The following HOXD3 variants were observed in gnomAD, a reference collection of about 807,000 sequenced individuals.
HOXD3 encodes homeobox protein Hox-D3.
Under a neutral mutation model 32.8 loss-of-function variants are expected in HOXD3, and 13 were observed. The ratio of observed to expected loss-of-function variants is 0.40; its 90% confidence interval spans 0.26 to 0.63. The LOEUF is 0.63. Among genes scored for constraint, HOXD3 ranks in the 20% least tolerant of loss-of-function variants. The probability of loss-of-function intolerance (pLI) is 0.44; values close to 1 mark genes in which losing one functional copy is unlikely to be tolerated. For missense variants in HOXD3, 504 were observed against 577.1 expected (o/e 0.87, Z 1.30); for synonymous variants, 241 against 246.8 (o/e 0.98, Z 0.22).
intron 2 of HOXD3, among the ~76,000 whole-genome samples, chr2:176,168,292 C>T (rs1404893267): frequency 1.3e-5 from 2 of 148,782 alleles, no homozygotes; most frequent in Non-Finnish European, 1.5e-5. Flanking sequence ...TAAGAGCTGG[C>T]GCAGTGGCTC....
At chr2:176,155,454 A>G (rs955906839), upstream of HOXD3, among the ~76,000 whole-genome samples, 1 of 152,220 alleles carries the variant, frequency 6.6e-6, no homozygotes, top group Non-Finnish European at 1.5e-5. Flanking sequence ...TAACTTAATC[A>G]GAGAAACAAC....
upstream of HOXD3, among the ~76,000 whole-genome samples, chr2:176,155,147 T>G (rs988436513): frequency 6.6e-6 from 1 of 152,232 alleles, no homozygotes; most frequent in African/African-American, 2.4e-5. Context: ...CTTAGGCAAG[T>G]TGGAAAGTTG....
chr2:176,157,564 G>C (rs541526199), intron 1 of HOXD3, among the ~76,000 whole-genome samples, 112 bp downstream of exon 1: 1 of 152,194 alleles, frequency 6.6e-6, no homozygotes, highest in South Asian at 2.1e-4. Context: ...CTGCGCGCCG[G>C]CGAGAAGTTG....
In HOXD3 at chr2:176,172,989, C is replaced by G. The variant is rs1691251117; in HGVS notation, c.*715C>G. On this transcript the variant is annotated 3_prime_UTR_variant, in exon 4 of 4. Transcript: ENST00000683222. The stretch of plus-strand genomic sequence containing the variant: ...AGTCAGGAAGCCCGGTGGCGTGGCA[C>G]AACACACTTTGGTCATTTCTCAAAA... 6.6e-6 allele frequency: 1 copy of G among 152,626 alleles called. No homozygotes were observed. Among genetic ancestry groups the G allele is most frequent in the Admixed American group, 6.5e-5 (1 of 15,278 alleles). 9.5% of individuals were successfully genotyped at this position (152,626 alleles called of 1,614,324 possible).
At chr2:176,153,305 A>G (rs1469836104), upstream of HOXD3, 1 of 282,886 alleles carries the variant, frequency 3.5e-6, no homozygotes, top group African/African-American at 2.2e-5. Flanking sequence ...CCCCCACTCC[A>G]CCCCTCCAGG....
upstream of HOXD3, chr2:176,153,290 A>C: frequency 3.3e-6 from 1 of 303,736 alleles, no homozygotes; most frequent in South Asian, 3.8e-5. Context: ...GAATTTGGAC[A>C]TTCTCCCCCA....
chr2:176,172,428 A>C lies in HOXD3; in HGVS notation c.*154A>C, dbSNP rs1276882559. ...CTCAGGCCTCCAGCGGCGGAGGCGC[A>C]GGCGACCGGGCCTCCCCTCCATGGG... is the stretch of plus-strand genomic sequence containing the variant. On this transcript the variant is annotated 3_prime_UTR_variant, in exon 4 of 4. Transcript: ENST00000683222. 1 of 696,248 alleles carries C rather than the reference A, an allele frequency of 1.4e-6. No homozygotes were observed. Among genetic ancestry groups the C allele is most frequent in the Non-Finnish European group, 2.3e-6 (1 of 430,084 alleles). The allele number at this position is 696,248 out of a possible 1,614,324, so 43.1% of individuals were successfully genotyped here.
At position 176,169,248 on chromosome 2, in the gene HOXD3, C is replaced by A. The variant is rs745970578; in HGVS notation, c.134C>A (p.Thr45Asn). 7.4e-6 allele frequency: 12 copies of A among 1,613,388 alleles called. No homozygotes were observed. The African/African-American group carries it at 8.0e-5, about 11-fold the overall frequency. The change falls in exon 3 of 4, where the codon ACC becomes AAC. Residue 45 changes from threonine to asparagine, a missense_variant. Thr to Asn is a moderately conservative substitution (Grantham distance 65, BLOSUM62 0). Coordinates refer to ENST00000683222, the MANE Select transcript of HOXD3 (RefSeq NM_006898.5). ...ACTACGGACACTTACGGCTACAGCA[C>A]CCCCCACCAGCCCTACCCACCCCCT... ...SKTTDTYGYS[T>N]PHQPYPPPAA... is the part of the protein sequence containing the mutation.
chr2:176,169,321 C>T lies in HOXD3; in HGVS notation c.207C>T (p.Ser69=), dbSNP rs777970171. 1.2e-6 allele frequency: 2 copies of T among 1,614,136 alleles called. No homozygotes were observed. Among genetic ancestry groups the T allele is most frequent in the Admixed American group, 1.7e-5 (1 of 60,028 alleles). The change falls in exon 3 of 4, where the codon TCC becomes TCT. Residue 69 remains serine, a synonymous_variant. Transcript: ENST00000683222. ...LDTDYPGSAC[S]IQSSAPLRAP... ...CTGACTATCCAGGTTCTGCCTGCTC[C>T]ATCCAGAGCTCTGCCCCTCTGAGAG...
chr2:176,152,612 C>A (rs201185478), upstream of HOXD3: 55 of 1,613,832 alleles, frequency 3.4e-5, no homozygotes, highest in East Asian at 1.2e-3. This position sits in a 1 kb window ranked among gnomAD's most constrained non-coding sequence, Gnocchi z 5.2. Flanking sequence ...TCGCAGTGAA[C>A]CCCAACTACA....
chr2:176,168,774 T>C (rs1313439419), intron 2 of HOXD3, among the ~76,000 whole-genome samples: 1 of 151,688 alleles, frequency 6.6e-6, no homozygotes, highest in African/African-American at 2.4e-5. Flanking sequence ...AATACCAGGC[T>C]AAAGTGGGAG....
Position 176,171,544 on chromosome 2 carries a change from C to T in HOXD3, c.569C>T (p.Pro190Leu), listed in dbSNP as rs1691183837. Reference sequence around the variant, plus strand: ...GAGAGCTGCGAGGACAAGAGCCCGCCAGGCCCAGCATCCAAGCGGGTACGC... The same window carrying T: ...GAGAGCTGCGAGGACAAGAGCCCGCTAGGCCCAGCATCCAAGCGGGTACGC... ...AGESCEDKSPPGPASKRVRTA... is the reference protein window; with the variant it reads ...AGESCEDKSPLGPASKRVRTA... Residue 190 changes from proline (P) to leucine (L), a missense_variant, in exon 4 of 4, where the codon CCA (proline) becomes CTA (leucine). Around this residue, in one of 3 missense-constraint regions of HOXD3, gnomAD observed 97 missense variants for 158.0 expected, o/e 0.61. Coordinates refer to ENST00000683222, the MANE Select transcript of HOXD3 (RefSeq NM_006898.5). 2 of 1,598,340 alleles carry T rather than the reference C, an allele frequency of 1.3e-6. No individual in the cohort carries two copies. Among genetic ancestry groups the T allele is most frequent in the Non-Finnish European group, 1.7e-6 (2 of 1,171,216 alleles).
upstream of HOXD3, among the ~76,000 whole-genome samples, chr2:176,155,421 CAT>C (rs1690623213): frequency 1.3e-5 from 2 of 152,214 alleles, no homozygotes; most frequent in South Asian, 4.1e-4. Flanking sequence ...CCTTCTCAAA[CAT>C]AGCCCCACTA....
chr2:176,162,022 A>T (rs1427784186), intron 1 of HOXD3, among the ~76,000 whole-genome samples: 2 of 152,236 alleles, frequency 1.3e-5, no homozygotes, highest in East Asian at 3.9e-4. Flanking sequence ...GGCCAGACCC[A>T]ACCGGACCTT....
chr2:176,153,628 T>C (rs1690589387), upstream of HOXD3, among the ~76,000 whole-genome samples: 1 of 152,058 alleles, frequency 6.6e-6, no homozygotes, highest in Non-Finnish European at 1.5e-5. Flanking sequence ...TGAAAGGGGC[T>C]GAACTTCAGG....
At chr2:176,166,348 T>C (rs1690970376) in intron 2 of HOXD3, among the ~76,000 whole-genome samples, 1 of 152,210 alleles carries the variant, frequency 6.6e-6, no homozygotes, top group South Asian at 2.1e-4. Context: ...ATCAACTTTG[T>C]CAACTTGGGA....
At chr2:176,160,885 A>G (rs1231604707) in intron 1 of HOXD3, 2 of 152,174 alleles carry the variant, frequency 1.3e-5, no homozygotes, top group Non-Finnish European at 2.9e-5. Flanking sequence ...TCCTGCGTTT[A>G]TTGGTAGTTG....
At chr2:176,163,786 G>T (rs373241294) in intron 1 of HOXD3, among the ~76,000 whole-genome samples, 8 of 152,118 alleles carry the variant, frequency 5.3e-5, no homozygotes, top group African/African-American at 1.9e-4. Flanking sequence ...GAGCAGATTG[G>T]CTTCCCTGCA....
In HOXD3 at chr2:176,172,002, G is replaced by A; in HGVS notation, c.1027G>A (p.Gly343Ser). The A allele has an allele frequency of 6.2e-7, 1 of 1,607,294 alleles. No homozygotes were observed. Residue 343 changes from glycine to serine, a missense_variant, in exon 4 of 4, where the codon GGC (glycine) becomes AGC (serine). Physicochemically the swap from Gly to Ser is moderately conservative, Grantham distance 56. Transcript: ENST00000683222. The stretch of plus-strand genomic sequence containing the variant: ...CGAGCCCCATCCCATGGCGAGCAAC[G>A]GCGGCGGCTTCGCCAGCGCCAACTT... ...EFEPHPMASN[G>S]GGFASANLQG...
Sources: allele counts gnomAD v4.1 joint callset (sites outside exome capture counted in the v4.1 genomes callset), GRCh38; gene constraint gnomAD v4.1.1; regional missense constraint gnomAD v4.1.1; non-coding constraint Gnocchi (gnomAD v3.1); transcripts MANE v1.5; gene names NCBI Gene and HGNC (gene_info 2026-07-23, HGNC 2026-07-21).